CEP128: variants seen among roughly 807,000 people sequenced by gnomAD.
The protein encoded by CEP128 is centrosomal protein 128.
In CEP128, 132 loss-of-function variants were observed where a neutral mutation model predicts 156.7. The observed-to-expected ratio is 0.84, with a 90% CI of 0.73 to 0.97. The LOEUF (loss-of-function observed/expected upper bound fraction) is 0.97. Among genes scored for constraint, CEP128 ranks in the 50% least tolerant of loss-of-function variants. The probability of loss-of-function intolerance (pLI) is 0.00; values close to 1 mark genes in which losing one functional copy is unlikely to be tolerated. For synonymous variants in CEP128, 469 were observed against 448.9 expected, an observed-to-expected ratio of 1.04 and a Z score of -0.57; for missense variants, 1,252 against 1,281.9, an observed-to-expected ratio of 0.98 and a Z score of 0.36.
chr14:80,497,828 C>T (rs1003910724), intron 24 of CEP128, among the ~76,000 whole-genome samples: 1 of 152,106 alleles, frequency 6.6e-6, no homozygotes, highest in East Asian at 1.9e-4. Context: ...AAAATGTGTG[C>T]TTCGTCAGGA....
At chr14:80,656,320 TA>T (rs1477091997) in intron 19 of CEP128, among the ~76,000 whole-genome samples, 2,710 of 19,548 alleles carry the variant, frequency 0.14, 277 homozygotes, top group African/African-American at 0.18. Context: ...TATATATATA[TA>T]TATATATATA....
In CEP128 at chr14:80,502,347, G is replaced by A. The variant is rs147466331; in HGVS notation, c.3181+2565C>T. On this transcript the variant is annotated intron_variant, in intron 24 of 24. Coordinates refer to ENST00000555265, the MANE Select transcript of CEP128 (RefSeq NM_152446.5). ...GCATCAATATAGGAAAAGAGTGAAGGACAATCTCAGGATGGCTGCTGTGCA... is the reference window on the plus strand; with the variant it reads ...GCATCAATATAGGAAAAGAGTGAAGAACAATCTCAGGATGGCTGCTGTGCA... Among the ~76,000 whole-genome samples the A allele has an allele frequency of 7.1e-3, 1,078 of 152,246 alleles. 10 individuals are homozygous for A. The highest frequency in any genetic ancestry group is 0.034 in the Middle Eastern group (10 of 294).
chr14:80,597,703 T>C (rs1215489292), intron 19 of CEP128, among the ~76,000 whole-genome samples: 1 of 151,506 alleles, frequency 6.6e-6, no homozygotes, highest in East Asian at 1.9e-4. Context: ...TTTTAAATAA[T>C]TAGCAAATAG....
At chr14:80,637,153 C>T (rs1019639327) in intron 19 of CEP128, among the ~76,000 whole-genome samples, 1 of 151,488 alleles carries the variant, frequency 6.6e-6, no homozygotes, top group Admixed American at 6.6e-5. Context: ...TAAAACCCTG[C>T]AATCAGAGCT....
intron 19 of CEP128, among the ~76,000 whole-genome samples, chr14:80,656,672 A>C (rs1895187526): frequency 6.6e-6 from 1 of 152,124 alleles, no homozygotes; most frequent in Non-Finnish European, 1.5e-5. Flanking sequence ...AAGCATTCTT[A>C]AAACAAAATC....
intron 19 of CEP128, among the ~76,000 whole-genome samples, chr14:80,604,732 T>C (rs1461354542): frequency 6.6e-6 from 1 of 152,092 alleles, no homozygotes; most frequent in Non-Finnish European, 1.5e-5. Flanking sequence ...TACAGTTCAT[T>C]GTTATGCATT....
chr14:80,668,555 G>T (rs1207756532), intron 19 of CEP128, among the ~76,000 whole-genome samples: 2 of 152,184 alleles, frequency 1.3e-5, no homozygotes, highest in Non-Finnish European at 2.9e-5. Flanking sequence ...TATGTCACAT[G>T]AAGAATAGAT....
chr14:80,685,438 T>C (rs1268584307), intron 19 of CEP128, among the ~76,000 whole-genome samples: 1 of 151,840 alleles, frequency 6.6e-6, no homozygotes, highest in Non-Finnish European at 1.5e-5. Context: ...CTGAAATAAA[T>C]TACAGATGAC....
intron 13 of CEP128, among the ~76,000 whole-genome samples, chr14:80,794,697 A>G (rs562673215): frequency 3.3e-5 from 5 of 152,158 alleles, no homozygotes; most frequent in Non-Finnish European, 7.3e-5. Context: ...TTAATAGGAC[A>G]TAGTTTTAAT....
At chr14:80,688,096 T>C (rs1896588288) in intron 19 of CEP128, among the ~76,000 whole-genome samples, 1 of 152,200 alleles carries the variant, frequency 6.6e-6, no homozygotes, top group African/African-American at 2.4e-5. Flanking sequence ...TTTTAGAAGA[T>C]ACATCCTTGC....
intron 19 of CEP128, among the ~76,000 whole-genome samples, chr14:80,701,189 T>C (rs1218161363): frequency 2.0e-5 from 3 of 152,092 alleles, no homozygotes; most frequent in Non-Finnish European, 4.4e-5. Flanking sequence ...GGAAGAAGAC[T>C]CAAGACTTAA....
chr14:80,819,239 CTT>C lies in CEP128; in HGVS notation c.1209+11902_1209+11903del, dbSNP rs1187431254. Among the ~76,000 whole-genome samples, 29 of 82,742 alleles carry C rather than the reference CTT, an allele frequency of 3.5e-4. 1 individual carries two copies. The highest frequency in any genetic ancestry group is 5.0e-4 in the Non-Finnish European group (24 of 47,626). 54.3% of individuals were successfully genotyped at this position (82,742 alleles called of 152,430 possible). On this transcript the variant is annotated intron_variant, in intron 13 of 24. Coordinates refer to ENST00000555265, the MANE Select transcript of CEP128 (RefSeq NM_152446.5). The stretch of plus-strand genomic sequence containing the variant: ...AGCAAGCCAGCTCTCTGGCATCTTC[CTT>C]TTTTTTTTTTTTTTTTTTTTTTTGA...
intron 8 of CEP128, among the ~76,000 whole-genome samples, chr14:80,886,967 G>A (rs1888837713): frequency 6.6e-6 from 1 of 152,112 alleles, no homozygotes; most frequent in Non-Finnish European, 1.5e-5. Flanking sequence ...AAAAAATAAA[G>A]CAAGGGTTGC....
chr14:80,587,727 C>T (rs1044444246), intron 19 of CEP128, among the ~76,000 whole-genome samples: 6 of 152,116 alleles, frequency 3.9e-5, no homozygotes, highest in African/African-American at 1.4e-4. Context: ...GGAAACACAT[C>T]ACTGTTCTAA....
intron 19 of CEP128, among the ~76,000 whole-genome samples, chr14:80,729,379 T>C (rs1898176176): frequency 9.4e-6 from 1 of 106,140 alleles, no homozygotes; most frequent in Non-Finnish European, 2.0e-5. Context: ...TTCTATGGTA[T>C]ACATATATAT....
chr14:80,806,093 T>C (rs1483741294), intron 13 of CEP128, among the ~76,000 whole-genome samples: 1 of 152,142 alleles, frequency 6.6e-6, no homozygotes, highest in African/African-American at 2.4e-5. Context: ...TCATTCTAAT[T>C]TTGACCACAT....
chr14:80,530,807 ACT>A lies in CEP128; in HGVS notation c.2958_2958+1del. The stretch of plus-strand genomic sequence containing the variant: ...GAAAGAGACAAGCCAACTCTTTCTC[ACT>A]CTGAAGTCTTTGAAATCTTCTAGTA... On this transcript the variant is annotated splice_donor_variant and coding_sequence_variant, in exon 22 of 25. Transcript: ENST00000555265. LOFTEE classifies it high-confidence loss of function. 3.1e-6 allele frequency: 5 copies of A among 1,598,488 alleles called. No homozygotes were observed. The highest frequency in any genetic ancestry group is 4.3e-6 in the Non-Finnish European group (5 of 1,170,726).
chr14:80,521,993 T>C (rs2140249843), intron 23 of CEP128, among the ~76,000 whole-genome samples: 1 of 152,360 alleles, frequency 6.6e-6, no homozygotes, highest in Admixed American at 6.5e-5. Context: ...ACATATGACT[T>C]CTTATCAAAG....
At chr14:80,918,421 A>G (rs995754047) in intron 2 of CEP128, among the ~76,000 whole-genome samples, 1 of 152,244 alleles carries the variant, frequency 6.6e-6, no homozygotes, top group African/African-American at 2.4e-5. Flanking sequence ...TCTGCCAAGT[A>G]CTATGCAGAT....
Sources: allele counts gnomAD v4.1 joint callset (sites outside exome capture counted in the v4.1 genomes callset), GRCh38; gene constraint gnomAD v4.1.1; transcripts MANE v1.5; gene names NCBI Gene and HGNC (gene_info 2026-07-23, HGNC 2026-07-21).